Variants in ENOX1 observed in about 807,000 individuals in gnomAD.
The protein encoded by ENOX1 is candidate growth-related and time keeping constitutive hydroquinone (NADH) oxidase.
A neutral mutation model predicts 82.5 loss-of-function variants in ENOX1; 42 were observed. The ratio of observed to expected loss-of-function variants is 0.51; its 90% confidence interval spans 0.40 to 0.66. The LOEUF is 0.66. Ranked by LOEUF, ENOX1 falls within the 30% of genes least tolerant of loss-of-function variation. ENOX1 has a pLI of 0.00. For missense variants in ENOX1, 608 were observed against 811.6 expected, an observed-to-expected ratio of 0.75 and a Z score of 3.05; for synonymous variants, 271 against 282.2, an observed-to-expected ratio of 0.96 and a Z score of 0.40.
At chr13:43,637,384 C>T (rs1278254764) in intron 2 of ENOX1, among the ~76,000 whole-genome samples, 4 of 152,070 alleles carry the variant, frequency 2.6e-5, no homozygotes, top group Admixed American at 6.6e-5. Flanking sequence ...TTGTTTCAAC[C>T]GGGAAGCCAT....
At chr13:43,396,846 G>T (rs1011999002) in intron 5 of ENOX1, among the ~76,000 whole-genome samples, 1 of 152,224 alleles carries the variant, frequency 6.6e-6, no homozygotes, top group African/African-American at 2.4e-5. Flanking sequence ...GTCTTAGAAA[G>T]TCAGAGCTTT....
At chr13:43,413,119 C>T in intron 3 of ENOX1, 131 bp from the exon 4 acceptor site, 1 of 938,444 alleles carries the variant, frequency 1.1e-6, no homozygotes, top group South Asian at 2.2e-5. Flanking sequence ...AGAAGAAATG[C>T]TGCTTCCCAT....
At chr13:43,713,086 C>A (rs181411254) in intron 1 of ENOX1, among the ~76,000 whole-genome samples, 146 of 152,244 alleles carry the variant, frequency 9.6e-4, no homozygotes, top group African/African-American at 3.4e-3. Context: ...AGATTCGTCC[C>A]ATCAGTACCT....
intron 12 of ENOX1, among the ~76,000 whole-genome samples, chr13:43,285,250 G>A (rs944921282): frequency 6.6e-6 from 1 of 152,092 alleles, no homozygotes; most frequent in Non-Finnish European, 1.5e-5. Context: ...AACTGACTAA[G>A]TTTGGCTGTT....
intron 1 of ENOX1, among the ~76,000 whole-genome samples, chr13:43,717,604 C>A (rs1417569244): frequency 6.6e-6 from 1 of 152,140 alleles, no homozygotes; most frequent in East Asian, 1.9e-4. Flanking sequence ...GGTAAACAGA[C>A]AGCCTACAGA....
At chr13:43,561,934 A>C (rs922778045) in intron 2 of ENOX1, among the ~76,000 whole-genome samples, 7 of 144,536 alleles carry the variant, frequency 4.8e-5, no homozygotes, top group Non-Finnish European at 1.5e-5. Flanking sequence ...ACACCGCTGC[A>C]CTCCATCCTG....
At chr13:43,344,508 A>G in intron 9 of ENOX1, 30 bp downstream of exon 9, 1 of 1,571,862 alleles carries the variant, frequency 6.4e-7, no homozygotes, top group Non-Finnish European at 8.7e-7. Flanking sequence ...AAATCACAAC[A>G]AAAGAGATGG....
At chr13:43,688,178 T>C (rs1401661325) in intron 1 of ENOX1, among the ~76,000 whole-genome samples, 2 of 43,216 alleles carry the variant, frequency 4.6e-5, no homozygotes, top group Non-Finnish European at 9.0e-5. Context: ...TCACATAGAT[T>C]TGGGAGTGGT....
At chr13:43,421,923 G>C (rs1004339754) in intron 3 of ENOX1, among the ~76,000 whole-genome samples, 4 of 149,450 alleles carry the variant, frequency 2.7e-5, no homozygotes, top group African/African-American at 9.8e-5. Context: ...ATTCATGCAA[G>C]GAGGAAAGAA....
intron 5 of ENOX1, among the ~76,000 whole-genome samples, chr13:43,404,811 CA>C (rs1177032557): frequency 6.6e-6 from 1 of 152,092 alleles, no homozygotes; most frequent in African/African-American, 2.4e-5. Context: ...TAGAGTGTAA[CA>C]GAACTGTCAC....
intron 12 of ENOX1, among the ~76,000 whole-genome samples, chr13:43,291,120 TTC>T (rs1379412243): frequency 6.6e-6 from 1 of 152,346 alleles, no homozygotes; most frequent in African/African-American, 2.4e-5. Flanking sequence ...TTAAAGGGGT[TTC>T]TCTTTTTCCA....
intron 2 of ENOX1, among the ~76,000 whole-genome samples, chr13:43,586,379 C>T (rs1238816625): frequency 5.3e-5 from 8 of 152,226 alleles, no homozygotes; most frequent in Admixed American, 5.2e-4. Context: ...TGCTGCTTGA[C>T]CAGCATGACA....
intron 14 of ENOX1, among the ~76,000 whole-genome samples, chr13:43,248,826 C>T (rs553172224): frequency 1.3e-5 from 2 of 152,004 alleles, no homozygotes; most frequent in African/African-American, 4.8e-5. Flanking sequence ...TATATAACCC[C>T]CTCCCACATA....
intron 5 of ENOX1, among the ~76,000 whole-genome samples, chr13:43,409,534 A>C (rs915030974): frequency 1.3e-5 from 2 of 152,220 alleles, no homozygotes; most frequent in South Asian, 4.1e-4. Flanking sequence ...CAGCAGTTCC[A>C]TGAAGTAGAT....
At chr13:43,501,161 A>G (rs1461402913) in intron 2 of ENOX1, among the ~76,000 whole-genome samples, 1 of 151,838 alleles carries the variant, frequency 6.6e-6, no homozygotes, top group Non-Finnish European at 1.5e-5. Context: ...TGAAAGTAAA[A>G]GAATGAAAAA....
chr13:43,286,323 C>T lies in ENOX1; in HGVS notation c.1446+12023G>A, dbSNP rs369564779. 2.4e-4 allele frequency among the ~76,000 whole-genome samples: 37 copies of T among 152,250 alleles called. No homozygotes were observed. In the South Asian group the frequency reaches 7.5e-3, roughly 31 times the overall value. ...AAAAGATCCATTTCACTATAAATCT[C>T]GTACTCATCATGTGATATAGACTGT... On this transcript the variant is annotated intron_variant, in intron 12 of 16. Transcript: ENST00000690772.
chr13:43,388,862 C>G (rs1362082280), intron 5 of ENOX1, among the ~76,000 whole-genome samples: 1 of 151,924 alleles, frequency 6.6e-6, no homozygotes, highest in East Asian at 1.9e-4. Flanking sequence ...CAATCTTATC[C>G]AACTGTGAGT....
chr13:43,275,389 A>T (rs1449995256), intron 12 of ENOX1, among the ~76,000 whole-genome samples: 3 of 152,222 alleles, frequency 2.0e-5, no homozygotes, highest in Non-Finnish European at 4.4e-5. Context: ...GAAATACATC[A>T]GCCACATCTT....
intron 14 of ENOX1, among the ~76,000 whole-genome samples, chr13:43,248,931 C>T (rs1381642205): frequency 6.6e-6 from 1 of 151,860 alleles, no homozygotes; most frequent in Non-Finnish European, 1.5e-5. Context: ...CATATATAGC[C>T]CCCAAGTAGA....
Sources: allele counts gnomAD v4.1 joint callset (sites outside exome capture counted in the v4.1 genomes callset), GRCh38; gene constraint gnomAD v4.1.1; transcripts MANE v1.5; gene names NCBI Gene and HGNC (gene_info 2026-07-23, HGNC 2026-07-21).